The following CENPP variants were observed in gnomAD, a reference collection of about 807,000 sequenced individuals.
The protein encoded by CENPP is centromere protein P.
CENPP carries 24 observed loss-of-function variants against 35.6 expected under a neutral mutation model. The ratio of observed to expected loss-of-function variants is 0.67; its 90% CI spans 0.49 to 0.95. The LOEUF (loss-of-function observed/expected upper bound fraction) is 0.95, where lower values mean the gene tolerates loss of function less well. CENPP is among the 40% of genes least tolerant of loss of function. The probability of loss-of-function intolerance (pLI) is 0.00; values close to 1 mark genes in which losing one functional copy is unlikely to be tolerated. For synonymous variants in CENPP, 120 were observed against 125.5 expected (o/e 0.96, Z 0.29); for missense variants, 332 against 345.3 (o/e 0.96, Z 0.31).
At chr9:92,362,866 T>A (rs1347322687) in intron 4 of CENPP, among the ~76,000 whole-genome samples, 2 of 152,238 alleles carry the variant, frequency 1.3e-5, no homozygotes, top group African/African-American at 4.8e-5. Context: ...ATAATATGTA[T>A]GGATTCATTC....
chr9:92,460,091 C>T (rs781596242), intron 5 of CENPP, among the ~76,000 whole-genome samples: 5 of 140,770 alleles, frequency 3.6e-5, no homozygotes, highest in Admixed American at 1.5e-4. Context: ...GATGGAGTCT[C>T]GCTCTGTTGC....
intron 5 of CENPP, among the ~76,000 whole-genome samples, chr9:92,412,242 A>G (rs1309427504): frequency 6.6e-6 from 1 of 152,014 alleles, no homozygotes; most frequent in Non-Finnish European, 1.5e-5. Context: ...ATGCACCACC[A>G]TGCCTGGCTA....
intron 5 of CENPP, among the ~76,000 whole-genome samples, chr9:92,597,013 G>C (rs1850801389): frequency 6.6e-6 from 1 of 152,050 alleles, no homozygotes; most frequent in South Asian, 2.1e-4. Flanking sequence ...TGCCAGCACT[G>C]AATTATGCTG....
chr9:92,505,526 T>C (rs749071340), intron 5 of CENPP: 2 of 1,582,882 alleles, frequency 1.3e-6, no homozygotes, highest in East Asian at 4.5e-5. Context: ...AAAAAATATA[T>C]TGTTACCTCA....
At chr9:92,575,748 G>T (rs1342798250) in intron 5 of CENPP, among the ~76,000 whole-genome samples, 1 of 151,880 alleles carries the variant, frequency 6.6e-6, no homozygotes, top group Non-Finnish European at 1.5e-5. Context: ...GGAGGTGGAG[G>T]TTGCAGTGAG....
At chr9:92,382,246 T>C (rs932173146) in intron 5 of CENPP, among the ~76,000 whole-genome samples, 7 of 152,090 alleles carry the variant, frequency 4.6e-5, no homozygotes, top group African/African-American at 1.7e-4. Context: ...TAATTTTTAA[T>C]CGACTAATAG....
chr9:92,403,240 A>AT, intron 5 of CENPP: 1 of 1,562,626 alleles, frequency 6.4e-7, no homozygotes, highest in South Asian at 1.2e-5. Context: ...GTACCTTAAT[A>AT]TTTTTTCCAT....
chr9:92,433,964 A>G (rs1279925077), intron 5 of CENPP, among the ~76,000 whole-genome samples: 1 of 152,072 alleles, frequency 6.6e-6, no homozygotes, highest in Non-Finnish European at 1.5e-5. Context: ...TTAAACATCA[A>G]CTGTTTAAAA....
chr9:92,502,751 A>G lies in CENPP; in HGVS notation c.565-108563A>G, dbSNP rs185881488. 5 of 959,678 alleles carry G rather than the reference A, an allele frequency of 5.2e-6. No homozygotes were observed. In the African/African-American group the frequency reaches 6.7e-5, roughly 13 times the overall value. 59.4% of individuals were successfully genotyped at this position (959,678 alleles called of 1,614,324 possible). On this transcript the variant is annotated intron_variant, in intron 5 of 7. Coordinates refer to ENST00000375587, the MANE Select transcript of CENPP (RefSeq NM_001012267.3). ...AGTGACATAGACTATTATCATTAGT[A>G]TTATCTAAAGAGTCTTACTGCTCTT... is the stretch of plus-strand genomic sequence containing the variant.
Position 92,408,045 on chromosome 9 carries a change from A to G in CENPP, c.564+28186A>G, listed in dbSNP as rs369610507. On this transcript the variant is annotated intron_variant, in intron 5 of 7. Coordinates refer to ENST00000375587, the MANE Select transcript of CENPP (RefSeq NM_001012267.3). ...TTTTGGGGAGTGGCTTAATTCTGAT[A>G]GAGACCATATGACCTCCAAGTGGAT... Among the ~76,000 whole-genome samples, 50 of 152,352 alleles carry G rather than the reference A, an allele frequency of 3.3e-4. No homozygotes were observed. The South Asian group carries it at 8.9e-3, about 27-fold the overall frequency.
intron 5 of CENPP, among the ~76,000 whole-genome samples, chr9:92,555,509 A>G (rs540978988): frequency 6.2e-4 from 94 of 152,170 alleles, no homozygotes; most frequent in African/African-American, 2.1e-3. Context: ...GATTACAGGT[A>G]TGAACCACTG....
intron 5 of CENPP, among the ~76,000 whole-genome samples, chr9:92,580,066 G>T (rs1361089030): frequency 3.3e-5 from 5 of 151,568 alleles, no homozygotes; most frequent in African/African-American, 1.2e-4. Flanking sequence ...TAATCATGTG[G>T]TTTTTGTCTT....
At chr9:92,448,373 G>A (rs867895162) in intron 5 of CENPP, among the ~76,000 whole-genome samples, 2 of 151,726 alleles carry the variant, frequency 1.3e-5, no homozygotes, top group East Asian at 1.9e-4. Flanking sequence ...AGGTTCAAGC[G>A]ATTATCCTGC....
At chr9:92,597,395 C>T (rs1025349561) in intron 5 of CENPP, among the ~76,000 whole-genome samples, 2 of 152,112 alleles carry the variant, frequency 1.3e-5, no homozygotes, top group African/African-American at 4.8e-5. Flanking sequence ...CAGAATCTCC[C>T]TTATTCTGTG....
intron 5 of CENPP, among the ~76,000 whole-genome samples, chr9:92,533,966 C>T (rs753978602): frequency 2.0e-5 from 3 of 151,648 alleles, no homozygotes; most frequent in Non-Finnish European, 2.9e-5. Context: ...GAAGTTTTAC[C>T]TTGGTAAAAG....
rs573861392 is a variant in CENPP, at chr9:92,446,603, A to T, written c.564+66744A>T. 9.9e-5 allele frequency among the ~76,000 whole-genome samples: 15 copies of T among 152,106 alleles called. No homozygotes were observed. In the East Asian group the frequency reaches 2.1e-3, roughly 22 times the overall value. ...CATTGTGTTCCTAAGGTGTGAATAA[A>T]TTTTTTTTCTTTTCCTTCACTAATA... is the stretch of plus-strand genomic sequence containing the variant. On this transcript the variant is annotated intron_variant, in intron 5 of 7. Transcript: ENST00000375587.
chr9:92,600,121 C>T (rs923269581), intron 5 of CENPP: 30 of 403,882 alleles, frequency 7.4e-5, no homozygotes, highest in African/African-American at 5.1e-4. Context: ...AACTTTATTA[C>T]AGACACTGAA....
chr9:92,515,203 A>G, intron 5 of CENPP: 1 of 1,552,504 alleles, frequency 6.4e-7, no homozygotes, highest in African/African-American at 1.4e-5. Flanking sequence ...AGAATAGGAG[A>G]CTAATGACCA....
intron 5 of CENPP, among the ~76,000 whole-genome samples, chr9:92,381,308 G>A (rs530808740): frequency 1.3e-5 from 2 of 150,040 alleles, no homozygotes; most frequent in African/African-American, 2.5e-5. Context: ...TTTTGAGACA[G>A]GGTCTCACTC....
Sources: allele counts gnomAD v4.1 joint callset (sites outside exome capture counted in the v4.1 genomes callset), GRCh38; gene constraint gnomAD v4.1.1; transcripts MANE v1.5; gene names NCBI Gene and HGNC (gene_info 2026-07-23, HGNC 2026-07-21).